Variants in ELK3 observed in about 807,000 individuals in gnomAD.
The protein encoded by ELK3 is ETS domain-containing protein Elk-3.
Under a neutral mutation model 28.9 loss-of-function variants are expected in ELK3, and 10 were observed. That is an observed-to-expected ratio of 0.35 (90% confidence interval 0.21 to 0.59). The LOEUF is 0.59. Ranked by LOEUF, ELK3 falls within the 20% of genes least tolerant of loss-of-function variation. ELK3 has a pLI of 0.82. For missense variants in ELK3, 463 were observed against 517.3 expected (o/e 0.90, Z 1.02); for synonymous variants, 272 against 243.5 (o/e 1.12, Z -1.09).
At chr12:96,223,179 A>G (rs1016699324) in intron 1 of ELK3, among the ~76,000 whole-genome samples, 67 of 152,270 alleles carry the variant, frequency 4.4e-4, no homozygotes, top group African/African-American at 1.6e-3. Flanking sequence ...CGGACCCACA[A>G]AGAAATTGAT....
chr12:96,229,528 T>C (rs1286647912), intron 2 of ELK3, among the ~76,000 whole-genome samples: 1 of 133,048 alleles, frequency 7.5e-6, no homozygotes, highest in East Asian at 2.2e-4. Context: ...TTTTCCTTTT[T>C]TTTTTTTTTT....
chr12:96,251,550 T>C (rs1242982182), intron 3 of ELK3, among the ~76,000 whole-genome samples: 1 of 152,172 alleles, frequency 6.6e-6, no homozygotes, highest in African/African-American at 2.4e-5. Flanking sequence ...GGGGCTCTTA[T>C]ACCAGTTAAG....
chr12:96,234,366 A>G (rs912878895), intron 2 of ELK3, among the ~76,000 whole-genome samples: 4 of 152,210 alleles, frequency 2.6e-5, no homozygotes, highest in African/African-American at 9.6e-5. Context: ...CTGTTGCCCA[A>G]GCCCACACCG....
At chr12:96,254,747 G>A (rs772157599) in intron 3 of ELK3, among the ~76,000 whole-genome samples, 6 of 152,010 alleles carry the variant, frequency 3.9e-5, no homozygotes, top group Non-Finnish European at 7.4e-5. Flanking sequence ...GTTGCAAAAG[G>A]AATCCTAAGG....
chr12:96,242,142 G>A (rs1021091827), intron 2 of ELK3, among the ~76,000 whole-genome samples: 1 of 152,160 alleles, frequency 6.6e-6, no homozygotes, highest in Non-Finnish European at 1.5e-5. Flanking sequence ...GTGGAAACCC[G>A]ACTTTTTCTA....
At chr12:96,260,316 A>G (rs1170964350) in intron 4 of ELK3, among the ~76,000 whole-genome samples, 3 of 151,088 alleles carry the variant, frequency 2.0e-5, no homozygotes, top group African/African-American at 7.3e-5. Flanking sequence ...TATTATTTAT[A>G]AAAGTCCACA....
intron 1 of ELK3, among the ~76,000 whole-genome samples, chr12:96,203,369 C>T (rs1281976250): frequency 2.6e-5 from 4 of 152,234 alleles, no homozygotes; most frequent in Admixed American, 1.3e-4. Flanking sequence ...CTGCACGTGT[C>T]TGTGTCATGT....
chr12:96,228,912 C>T (rs149063775), intron 2 of ELK3, among the ~76,000 whole-genome samples: 31 of 152,340 alleles, frequency 2.0e-4, no homozygotes, highest in African/African-American at 2.2e-4. Context: ...GATAAGATGA[C>T]GCGGATAAGG....
intron 2 of ELK3, among the ~76,000 whole-genome samples, chr12:96,245,180 T>C (rs920967211): frequency 6.6e-6 from 1 of 152,110 alleles, no homozygotes; most frequent in Non-Finnish European, 1.5e-5. Context: ...TTCGCTGCCA[T>C]CATTTAAGGA....
chr12:96,220,912 G>C (rs1419420760), intron 1 of ELK3, among the ~76,000 whole-genome samples: 4 of 152,112 alleles, frequency 2.6e-5, no homozygotes, highest in Non-Finnish European at 5.9e-5. Context: ...GGGCGGGTGG[G>C]GCTTGGCTTC....
chr12:96,200,119 A>G (rs1951499367), intron 1 of ELK3, among the ~76,000 whole-genome samples: 1 of 152,222 alleles, frequency 6.6e-6, no homozygotes, highest in Admixed American at 6.5e-5. Context: ...GATTTTTTAC[A>G]TATATATCAT....
In ELK3 at chr12:96,268,563, CAAG is replaced by C. The variant is rs1025080347; in HGVS notation, c.*1386_*1388del. On this transcript the variant is annotated 3_prime_UTR_variant, in exon 5 of 5. Coordinates refer to ENST00000228741, the MANE Select transcript of ELK3 (RefSeq NM_005230.4). ...TACATGAAGAAGGAAAGTTCTAATACAAGAAAACTGAAAAGCACCAAGCTTTAA... is the reference window on the plus strand; with the variant it reads ...TACATGAAGAAGGAAAGTTCTAATACAAAACTGAAAAGCACCAAGCTTTAA... 17 of 152,096 alleles carry C rather than the reference CAAG, an allele frequency of 1.1e-4. No individual in the cohort carries two copies. Among genetic ancestry groups the C allele is most frequent in the African/African-American group, 4.1e-4 (17 of 41,410 alleles). The allele number at this position is 152,096 out of a possible 1,614,324, so 9.4% of individuals were successfully genotyped here.
chr12:96,204,147 G>A (rs1331400182), intron 1 of ELK3, among the ~76,000 whole-genome samples: 1 of 152,144 alleles, frequency 6.6e-6, no homozygotes, highest in Non-Finnish European at 1.5e-5. Context: ...GATAGGATAT[G>A]TTGAAAGAAT....
At chr12:96,228,122 A>T (rs1443659957) in intron 2 of ELK3, among the ~76,000 whole-genome samples, 5 of 151,478 alleles carry the variant, frequency 3.3e-5, no homozygotes, top group African/African-American at 1.2e-4. Flanking sequence ...ACAATTTATT[A>T]AAAAAAAGAA....
intron 2 of ELK3, among the ~76,000 whole-genome samples, chr12:96,237,266 C>A (rs372617915): frequency 1.5e-3 from 233 of 152,188 alleles, no homozygotes; most frequent in African/African-American, 5.5e-3. Flanking sequence ...TCAGAGGAGC[C>A]CTTTCATAAG....
intron 2 of ELK3, among the ~76,000 whole-genome samples, chr12:96,239,529 G>T (rs1951806254): frequency 1.3e-5 from 2 of 152,234 alleles, no homozygotes. Flanking sequence ...CAAGGCAGCT[G>T]TGTGTGCTCA....
chr12:96,253,882 A>G (rs1027192991), intron 3 of ELK3, among the ~76,000 whole-genome samples: 3 of 152,256 alleles, frequency 2.0e-5, no homozygotes, highest in Non-Finnish European at 4.4e-5. Flanking sequence ...GAGGTTAGCA[A>G]GATAGAAACC....
intron 3 of ELK3, among the ~76,000 whole-genome samples, chr12:96,255,085 T>C (rs12581775): frequency 0.055 from 8,316 of 152,002 alleles, 295 homozygotes; most frequent in East Asian, 0.12. Flanking sequence ...CGAAAGACCA[T>C]GAGTATCTAA....
At chr12:96,266,596 G>A (rs1202682022) in intron 4 of ELK3, among the ~76,000 whole-genome samples, 3 of 152,000 alleles carry the variant, frequency 2.0e-5, no homozygotes, top group Non-Finnish European at 4.4e-5. Context: ...TCTTACTTTA[G>A]AATAAATGCT....
Sources: allele counts gnomAD v4.1 joint callset (sites outside exome capture counted in the v4.1 genomes callset), GRCh38; gene constraint gnomAD v4.1.1; transcripts MANE v1.5; gene names NCBI Gene and HGNC (gene_info 2026-07-23, HGNC 2026-07-21).